The following ESRRG variants were observed in gnomAD, a reference collection of about 807,000 sequenced individuals.
ESRRG encodes estrogen related receptor gamma.
Under a neutral mutation model 44.0 loss-of-function variants are expected in ESRRG, and 13 were observed. The ratio of observed to expected loss-of-function variants is 0.30; its 90% CI spans 0.19 to 0.47. The LOEUF (loss-of-function observed/expected upper bound fraction) is 0.47, where lower values mean the gene tolerates loss of function less well. Among genes scored for constraint, ESRRG ranks in the 20% least tolerant of loss-of-function variants. The pLI is 1.00. For synonymous variants in ESRRG, 215 were observed against 214.6 expected, an observed-to-expected ratio of 1.00 and a Z score of -0.02; for missense variants, 395 against 580.6, an observed-to-expected ratio of 0.68 and a Z score of 3.29.
At chr1:217,090,164 C>A (rs2092311245), upstream of ESRRG, among the ~76,000 whole-genome samples, 1 of 152,074 alleles carries the variant, frequency 6.6e-6, no homozygotes, top group East Asian at 1.9e-4. Flanking sequence ...GCTGCTCCTG[C>A]CGCCGCCGCA....
intron 3 of ESRRG, among the ~76,000 whole-genome samples, chr1:216,568,388 A>G (rs149937878): frequency 1.8e-4 from 27 of 152,302 alleles, no homozygotes; most frequent in African/African-American, 4.6e-4. Context: ...TAATACAAAG[A>G]AGCCGCTATT....
chr1:216,677,996 T>C (rs185164368), intron 1 of ESRRG, among the ~76,000 whole-genome samples: 2 of 152,256 alleles, frequency 1.3e-5, no homozygotes, highest in Admixed American at 6.5e-5. Context: ...AATAAAACTT[T>C]TATTTTCAAG....
At chr1:216,953,115 C>G (rs1378426114) in intron 1 of ESRRG, among the ~76,000 whole-genome samples, 2 of 152,098 alleles carry the variant, frequency 1.3e-5, no homozygotes, top group Non-Finnish European at 1.5e-5. Flanking sequence ...GAAATGGTAG[C>G]TACAATGACC....
chr1:216,645,871 C>CAAA (rs776262531), intron 3 of ESRRG, among the ~76,000 whole-genome samples: 53 of 90,988 alleles, frequency 5.8e-4, no homozygotes, highest in Admixed American at 1.2e-3. Flanking sequence ...GACCCCTTCT[C>CAAA]AAAAAAAAAA....
At chr1:216,725,740 G>A (rs1478465855), upstream of ESRRG, among the ~76,000 whole-genome samples, 1 of 152,020 alleles carries the variant, frequency 6.6e-6, no homozygotes. Flanking sequence ...GTTTGGCTAT[G>A]GATATTTCTT....
chr1:216,711,002 C>A (rs1026623537), intron 1 of ESRRG, among the ~76,000 whole-genome samples: 1 of 152,118 alleles, frequency 6.6e-6, no homozygotes, highest in African/African-American at 2.4e-5. Context: ...TGTAAGCTGT[C>A]GTGCATTTAC....
intron 3 of ESRRG, among the ~76,000 whole-genome samples, chr1:216,586,585 T>C (rs1222711152): frequency 4.7e-5 from 7 of 148,924 alleles, no homozygotes; most frequent in Non-Finnish European, 7.5e-5. Flanking sequence ...TTTGGGCTTT[T>C]TTTTTTTTTT....
At position 216,565,744 on chromosome 1, in the gene ESRRG, G is replaced by C. The variant is rs11572776; in HGVS notation, c.701-1364C>G. 5.9e-4 allele frequency among the ~76,000 whole-genome samples: 90 copies of C among 152,016 alleles called. 1 individual carries two copies. The highest frequency in any genetic ancestry group is 1.0e-3 in the Non-Finnish European group (71 of 67,968). On this transcript the variant is annotated intron_variant, in intron 4 of 6. Coordinates refer to ENST00000408911, the MANE Select transcript of ESRRG (RefSeq NM_001438.4). ...GGGAGGAAATATTCCCAAATACTAC[G>C]TTGACTAGAAAAGAATTAAAAATTA... is the stretch of plus-strand genomic sequence containing the variant.
intron 1 of ESRRG, among the ~76,000 whole-genome samples, chr1:216,998,955 G>A (rs962412370): frequency 2.6e-4 from 40 of 152,200 alleles, no homozygotes; most frequent in African/African-American, 9.2e-4. Flanking sequence ...ATGAACCATA[G>A]GCTGGAGTTA....
At chr1:216,801,132 T>G (rs1166401427) in intron 2 of ESRRG, among the ~76,000 whole-genome samples, 1 of 152,210 alleles carries the variant, frequency 6.6e-6, no homozygotes, top group Non-Finnish European at 1.5e-5. Context: ...AAAATCTACA[T>G]TTTTAGCAAA....
intron 2 of ESRRG, among the ~76,000 whole-genome samples, chr1:216,920,368 G>C (rs2061672577): frequency 6.8e-6 from 1 of 146,856 alleles, no homozygotes; most frequent in Non-Finnish European, 1.5e-5. Flanking sequence ...CTCTAGTTGT[G>C]TGTGAATGTA....
chr1:216,912,899 A>T (rs1341333252), intron 2 of ESRRG, among the ~76,000 whole-genome samples: 2 of 152,024 alleles, frequency 1.3e-5, no homozygotes, highest in African/African-American at 2.4e-5. Flanking sequence ...AGGTGGGTGG[A>T]TCACTTGAGG....
At chr1:216,873,610 TCCAACTAGA>T (rs1239677466) in intron 2 of ESRRG, among the ~76,000 whole-genome samples, 19 of 151,994 alleles carry the variant, frequency 1.3e-4, no homozygotes. Flanking sequence ...TTTTCAGTCC[TCCAACTAGA>T]AATCTGGGGC....
At chr1:216,583,491 C>T (rs1039442260) in intron 3 of ESRRG, among the ~76,000 whole-genome samples, 1 of 152,210 alleles carries the variant, frequency 6.6e-6, no homozygotes, top group African/African-American at 2.4e-5. Flanking sequence ...CATTGCAGTG[C>T]CCTCATCAGT....
At chr1:216,524,454 T>C (rs1410218299) in intron 5 of ESRRG, among the ~76,000 whole-genome samples, 1 of 151,758 alleles carries the variant, frequency 6.6e-6, no homozygotes, top group African/African-American at 2.4e-5. Context: ...AATGATTATA[T>C]TATGTTTGTA....
intron 1 of ESRRG, among the ~76,000 whole-genome samples, chr1:216,941,588 A>T (rs1304067070): frequency 1.3e-5 from 2 of 152,066 alleles, no homozygotes; most frequent in Non-Finnish European, 2.9e-5. Flanking sequence ...GGGCGAGGGG[A>T]GACGGTGGGG....
At chr1:217,021,075 CAT>C (rs1396016076) in intron 1 of ESRRG, among the ~76,000 whole-genome samples, 23 of 151,342 alleles carry the variant, frequency 1.5e-4, no homozygotes, top group Admixed American at 5.9e-4. Context: ...CACACACACA[CAT>C]ACACACAGAG....
intron 1 of ESRRG, among the ~76,000 whole-genome samples, chr1:216,955,928 T>A (rs2067866040): frequency 6.6e-6 from 1 of 152,192 alleles, no homozygotes; most frequent in Admixed American, 6.5e-5. Context: ...TTGTGTTTCT[T>A]GTGTATTCTG....
chr1:216,690,701 C>T (rs1007924137), intron 1 of ESRRG, among the ~76,000 whole-genome samples: 2 of 152,052 alleles, frequency 1.3e-5, no homozygotes, highest in African/African-American at 4.8e-5. Context: ...TGTACCAGAT[C>T]GTAAATAACC....
Sources: gnomAD v4.1 joint callset for allele counts (sites outside exome capture counted in the v4.1 genomes callset) on GRCh38, gnomAD v4.1.1 for gene constraint, MANE v1.5 for transcripts, NCBI Gene and HGNC (gene_info 2026-07-23, HGNC 2026-07-21) for gene names.